PDE7B: variants seen among roughly 807,000 people sequenced by gnomAD.
PDE7B encodes the protein 3',5'-cyclic-AMP phosphodiesterase 7B.
Under a neutral mutation model 56.2 loss-of-function variants are expected in PDE7B, and 29 were observed. That is an observed-to-expected ratio of 0.52 (90% CI 0.38 to 0.70). The LOEUF is 0.70. PDE7B is among the 30% of genes least tolerant of loss of function. The pLI, the probability that PDE7B is intolerant of heterozygous loss-of-function variation, is 0.00. For missense variants in PDE7B, 490 were observed against 565.0 expected (o/e 0.87, Z 1.35); for synonymous variants, 197 against 196.9 (o/e 1.00, Z 0.00).
intron 1 of PDE7B, among the ~76,000 whole-genome samples, chr6:135,928,333 T>C (rs575546427): frequency 1.3e-5 from 2 of 149,530 alleles, no homozygotes; most frequent in South Asian, 4.2e-4. Flanking sequence ...AAAAGGCACA[T>C]ACACTCATAT....
intron 1 of PDE7B, among the ~76,000 whole-genome samples, chr6:135,868,098 T>G (rs556636133): frequency 1.3e-5 from 2 of 152,306 alleles, no homozygotes; most frequent in South Asian, 4.1e-4. Flanking sequence ...AGATGACATT[T>G]ATTTTCTAAC....
intron 1 of PDE7B, among the ~76,000 whole-genome samples, chr6:135,916,205 A>T (rs922143344): frequency 6.6e-6 from 1 of 151,960 alleles, no homozygotes; most frequent in Non-Finnish European, 1.5e-5. Context: ...ACGTGCTGCC[A>T]CAGTTTCTTC....
Position 136,014,806 on chromosome 6 carries a change from TA to T in PDE7B, c.82+67286del, listed in dbSNP as rs913394848. Among the ~76,000 whole-genome samples the T allele has an allele frequency of 9.2e-5, 14 of 152,258 alleles. No homozygotes were observed. In the South Asian group the frequency reaches 2.3e-3, roughly 25 times the overall value. On this transcript the variant is annotated intron_variant, in intron 2 of 12. Transcript: ENST00000308191. ...CTCATCTCTTTGAAATGACAATGCG[TA>T]AAACACATTGGCCCTCTGTTATTTT... is the stretch of plus-strand genomic sequence containing the variant.
At chr6:135,954,924 A>G (rs1774762506) in intron 2 of PDE7B, among the ~76,000 whole-genome samples, 1 of 152,160 alleles carries the variant, frequency 6.6e-6, no homozygotes, top group Admixed American at 6.6e-5. Context: ...GCCAGGGCTC[A>G]GATGAGAGCT....
chr6:135,861,742 TC>T (rs1775151073), intron 1 of PDE7B, among the ~76,000 whole-genome samples: 1 of 151,890 alleles, frequency 6.6e-6, no homozygotes. Flanking sequence ...TTCTGAGTCT[TC>T]CAATTCATAA....
intron 2 of PDE7B, among the ~76,000 whole-genome samples, chr6:136,032,071 C>T (rs1032586911): frequency 1.3e-4 from 20 of 152,204 alleles, no homozygotes; most frequent in African/African-American, 4.6e-4. Context: ...CTGCACACTA[C>T]ATTTCTTTTA....
intron 2 of PDE7B, among the ~76,000 whole-genome samples, chr6:136,084,913 C>T (rs1157992647): frequency 6.6e-6 from 1 of 152,054 alleles, no homozygotes; most frequent in East Asian, 1.9e-4. Flanking sequence ...AAAATCACTC[C>T]AGAAATTCTC....
At chr6:135,970,654 A>G (rs558622989) in intron 2 of PDE7B, among the ~76,000 whole-genome samples, 3 of 152,262 alleles carry the variant, frequency 2.0e-5, no homozygotes, top group Admixed American at 1.3e-4. Context: ...ATTTCATTCT[A>G]TTATATGTGC....
At chr6:136,182,872 G>C (rs1232532411) in intron 11 of PDE7B, among the ~76,000 whole-genome samples, 1 of 152,070 alleles carries the variant, frequency 6.6e-6, no homozygotes, top group African/African-American at 2.4e-5. Context: ...TCAGGAACTT[G>C]AAACCAGCCT....
In PDE7B at chr6:136,195,397, TTTG is replaced by T. The variant is rs1779297557; in HGVS notation, c.*3560_*3562del. On this transcript the variant is annotated 3_prime_UTR_variant, in exon 13 of 13. Coordinates refer to ENST00000308191, the MANE Select transcript of PDE7B (RefSeq NM_018945.4). Reference sequence around the variant, plus strand: ...TTGTATCTCACTGTATTTCTCATGCTTTGTTCTTTTAAACAAATCCTTTAAACT... The same window carrying T: ...TTGTATCTCACTGTATTTCTCATGCTTTCTTTTAAACAAATCCTTTAAACT... 1.3e-5 allele frequency: 2 copies of T among 151,110 alleles called. No homozygotes were observed. Among genetic ancestry groups the T allele is most frequent in the African/African-American group, 4.9e-5 (2 of 40,748 alleles). The allele number at this position is 151,110 out of a possible 1,614,324, so 9.4% of individuals were successfully genotyped here. A position where few individuals can be genotyped will look rare whatever the true frequency, so the allele number is the denominator to read the frequency against.
At chr6:135,931,792 ATACATGTGTG>A (rs1007763842) in intron 1 of PDE7B, among the ~76,000 whole-genome samples, 1 of 152,172 alleles carries the variant, frequency 6.6e-6, no homozygotes, top group African/African-American at 2.4e-5. Context: ...CCTTGGCAAT[ATACATGTGTG>A]TACATGTGTA....
intron 8 of PDE7B, among the ~76,000 whole-genome samples, chr6:136,172,285 C>T (rs1778900360): frequency 6.6e-6 from 1 of 152,130 alleles, no homozygotes; most frequent in Admixed American, 6.5e-5. Context: ...TTCTCCACAC[C>T]CTCTCCAGCA....
chr6:136,066,580 G>A (rs1452651343), intron 2 of PDE7B, among the ~76,000 whole-genome samples: 2 of 152,114 alleles, frequency 1.3e-5, no homozygotes, highest in African/African-American at 4.8e-5. Context: ...CTATGCAGGT[G>A]CAAACCAGTT....
chr6:135,867,395 A>G (rs547377347), intron 1 of PDE7B, among the ~76,000 whole-genome samples: 79 of 152,180 alleles, frequency 5.2e-4, no homozygotes, highest in Admixed American at 1.4e-3. Flanking sequence ...TAAATTGAAA[A>G]CATGTTAATA....
chr6:136,182,269 G>T (rs1353612114), intron 11 of PDE7B, among the ~76,000 whole-genome samples: 1 of 152,132 alleles, frequency 6.6e-6, no homozygotes, highest in Non-Finnish European at 1.5e-5. Context: ...CAGAATAAAA[G>T]TGCTCATGTA....
At chr6:136,021,507 G>T (rs1301121601) in intron 2 of PDE7B, among the ~76,000 whole-genome samples, 1 of 152,044 alleles carries the variant, frequency 6.6e-6, no homozygotes. Flanking sequence ...GTCTGGGCGT[G>T]GTGGTGCATG....
chr6:135,998,019 C>T (rs955445626), intron 2 of PDE7B, among the ~76,000 whole-genome samples: 2 of 152,128 alleles, frequency 1.3e-5, no homozygotes, highest in African/African-American at 2.4e-5. Context: ...GTAAATTTTA[C>T]GTTAGGCAAG....
chr6:136,163,645 TCAGCCTACA>T (rs1215410907), intron 8 of PDE7B, among the ~76,000 whole-genome samples: 2 of 152,230 alleles, frequency 1.3e-5, no homozygotes, highest in South Asian at 2.1e-4. Flanking sequence ...TATTACATCA[TCAGCCTACA>T]CATTTTCCAA....
intron 2 of PDE7B, among the ~76,000 whole-genome samples, chr6:136,005,828 C>T (rs1775771562): frequency 6.6e-6 from 1 of 152,094 alleles, no homozygotes; most frequent in Non-Finnish European, 1.5e-5. Flanking sequence ...CTAGAAATAC[C>T]ATTTGACACA....
Sources: gnomAD v4.1 joint callset for allele counts (sites outside exome capture counted in the v4.1 genomes callset) on GRCh38, gnomAD v4.1.1 for gene constraint, MANE v1.5 for transcripts, NCBI Gene and HGNC (gene_info 2026-07-23, HGNC 2026-07-21) for gene names.